FRMD5: variants seen among roughly 807,000 people sequenced by gnomAD.
The protein encoded by FRMD5 is FERM domain-containing protein 5.
A neutral mutation model predicts 69.0 loss-of-function variants in FRMD5; 20 were observed. The observed-to-expected ratio is 0.29, with a 90% CI of 0.20 to 0.42. FRMD5 has a LOEUF of 0.42. FRMD5 is among the 10% of genes least tolerant of loss of function. The probability of loss-of-function intolerance (pLI) is 1.00; values close to 1 mark genes in which losing one functional copy is unlikely to be tolerated. For synonymous variants in FRMD5, 271 were observed against 260.1 expected, an observed-to-expected ratio of 1.04 and a Z score of -0.40; for missense variants, 595 against 708.6, an observed-to-expected ratio of 0.84 and a Z score of 1.82.
At chr15:44,048,124 T>C (rs188562781) in intron 1 of FRMD5, among the ~76,000 whole-genome samples, 1 of 152,300 alleles carries the variant, frequency 6.6e-6, no homozygotes, top group East Asian at 1.9e-4. Context: ...GAGTTTAACT[T>C]ATTGAGGAAC....
chr15:43,985,555 T>C lies in FRMD5; in HGVS notation c.103-61246A>G, dbSNP rs961306270. ...ATAATATGGAGAACATTTAAATATA[T>C]AGATTCTGAGGCCCCACCCAGGACC... On this transcript the variant is annotated intron_variant, in intron 1 of 13. Transcript: ENST00000417257. Among the ~76,000 whole-genome samples, 11 of 152,274 alleles carry C rather than the reference T, an allele frequency of 7.2e-5. No individual in the cohort carries two copies. The South Asian group carries it at 1.7e-3, about 23-fold the overall frequency.
intron 1 of FRMD5, among the ~76,000 whole-genome samples, chr15:43,996,880 C>T (rs1191893594): frequency 6.6e-6 from 1 of 152,014 alleles, no homozygotes; most frequent in African/African-American, 2.4e-5. Context: ...TTCATTTTCA[C>T]ATTAAAGTTT....
chr15:44,107,320 A>G (rs2076734331), intron 1 of FRMD5, among the ~76,000 whole-genome samples: 1 of 152,224 alleles, frequency 6.6e-6, no homozygotes, highest in Non-Finnish European at 1.5e-5. Context: ...GAAAAATAAT[A>G]AAGAAGCTAA....
rs545462774 is a variant in FRMD5, at chr15:44,007,676, G to A, written c.103-83367C>T. Among the ~76,000 whole-genome samples, 475 of 56,012 alleles carry A rather than the reference G, an allele frequency of 8.5e-3. 2 individuals are homozygous for A. The highest frequency in any genetic ancestry group is 0.024 in the African/African-American group (402 of 16,986). 36.7% of individuals were successfully genotyped at this position (56,012 alleles called of 152,430 possible). The stretch of plus-strand genomic sequence containing the variant: ...TTTTTTTTTTTTGAGACAGAGTTTC[G>A]CTCTTGTTGCCCAGGCTGGAGTGCA... On this transcript the variant is annotated intron_variant, in intron 1 of 13. Coordinates refer to ENST00000417257, the MANE Select transcript of FRMD5 (RefSeq NM_032892.5).
intron 12 of FRMD5, among the ~76,000 whole-genome samples, chr15:43,884,491 T>G (rs1331082039): frequency 6.6e-6 from 1 of 152,210 alleles, no homozygotes; most frequent in Non-Finnish European, 1.5e-5. Context: ...AATTGCCAAG[T>G]GAAGTGGCAC....
intron 1 of FRMD5, among the ~76,000 whole-genome samples, chr15:44,161,845 T>C (rs946922530): frequency 5.3e-5 from 8 of 152,246 alleles, no homozygotes; most frequent in Admixed American, 3.3e-4. Flanking sequence ...TGAATTCAGC[T>C]GAGACTTTTA....
chr15:43,956,354 C>G (rs1029179569), intron 1 of FRMD5, among the ~76,000 whole-genome samples: 1 of 152,156 alleles, frequency 6.6e-6, no homozygotes, highest in African/African-American at 2.4e-5. Flanking sequence ...TAAATCAGCT[C>G]TCATACAAAC....
intron 1 of FRMD5, among the ~76,000 whole-genome samples, chr15:44,156,273 A>G (rs1457950616): frequency 6.6e-6 from 1 of 151,960 alleles, no homozygotes; most frequent in South Asian, 2.1e-4. Context: ...CCTCCCTAGT[A>G]GCTGGGACTA....
intron 7 of FRMD5, 68 bp downstream of exon 7, chr15:43,902,107 G>A (rs975202645): frequency 1.8e-5 from 20 of 1,141,146 alleles, no homozygotes; most frequent in Non-Finnish European, 2.1e-5. Flanking sequence ...GCGCAGGCAT[G>A]GGGGCTCTTG....
intron 1 of FRMD5, among the ~76,000 whole-genome samples, chr15:44,179,809 C>A (rs1054990141): frequency 1.3e-4 from 20 of 152,140 alleles, no homozygotes; most frequent in Admixed American, 2.6e-4. Context: ...TGACCAAGGT[C>A]TCAAAGATAA....
intron 1 of FRMD5, among the ~76,000 whole-genome samples, chr15:44,082,094 A>C (rs1174747394): frequency 6.6e-6 from 1 of 152,032 alleles, no homozygotes. Flanking sequence ...TTATTTTTAT[A>C]AATACCAAAA....
At chr15:44,168,621 T>A (rs1048977148) in intron 1 of FRMD5, among the ~76,000 whole-genome samples, 1 of 152,044 alleles carries the variant, frequency 6.6e-6, no homozygotes, top group Non-Finnish European at 1.5e-5. Flanking sequence ...AATAATAAAC[T>A]GTATCTTTAT....
chr15:43,960,038 C>T (rs1297178465), intron 1 of FRMD5, among the ~76,000 whole-genome samples: 1 of 152,178 alleles, frequency 6.6e-6, no homozygotes, highest in Non-Finnish European at 1.5e-5. Flanking sequence ...CTGCCTCAGC[C>T]TCCCAAGTAG....
At chr15:44,193,128 C>T (rs2078223920) in intron 1 of FRMD5, among the ~76,000 whole-genome samples, 1 of 152,136 alleles carries the variant, frequency 6.6e-6, no homozygotes, top group Non-Finnish European at 1.5e-5. Context: ...AACTATTTGC[C>T]TCACTGCAAT....
rs902851801 is a variant in FRMD5, at chr15:44,194,936, G to GGCGGC, written c.102+12_102+16dup. On this transcript the variant is annotated intron_variant, in intron 1 of 13. Coordinates refer to ENST00000417257, the MANE Select transcript of FRMD5 (RefSeq NM_032892.5). ...CAAGGGGGTCCCGCGGGCGGGGCGGGGCGGCGCGGCGCTGACCTGGATGGT... is the reference window on the plus strand; with the variant it reads ...CAAGGGGGTCCCGCGGGCGGGGCGGGGCGGCGCGGCGCGGCGCTGACCTGGATGGT... 1 of 1,513,872 alleles carries GGCGGC rather than the reference G, an allele frequency of 6.6e-7. No homozygotes were observed. The highest frequency in any genetic ancestry group is 8.8e-7 in the Non-Finnish European group (1 of 1,133,516). The allele number at this position is 1,513,872 out of a possible 1,614,324, so 93.8% of individuals were successfully genotyped here.
intron 1 of FRMD5, among the ~76,000 whole-genome samples, chr15:44,092,589 C>T (rs2076488426): frequency 6.6e-6 from 1 of 152,178 alleles, no homozygotes; most frequent in South Asian, 2.1e-4. Flanking sequence ...GTAATTTCCT[C>T]ACTGTGTTCA....
At chr15:43,877,303 G>C (rs1031659920) in intron 13 of FRMD5, among the ~76,000 whole-genome samples, 4 of 152,158 alleles carry the variant, frequency 2.6e-5, no homozygotes, top group Non-Finnish European at 5.9e-5. Context: ...GGAGTTTTTT[G>C]GTTCAGGGCT....
chr15:43,952,020 G>C (rs555176597), intron 1 of FRMD5, among the ~76,000 whole-genome samples: 75 of 149,272 alleles, frequency 5.0e-4, no homozygotes, highest in Non-Finnish European at 8.8e-4. Flanking sequence ...GTGTGTGTGT[G>C]TGTGTGTGTG....
intron 1 of FRMD5, among the ~76,000 whole-genome samples, chr15:44,150,447 AC>A (rs2077425775): frequency 6.6e-6 from 1 of 151,584 alleles, no homozygotes; most frequent in Non-Finnish European, 1.5e-5. Context: ...AAAACCTGCT[AC>A]AACTAATAAA....
Sources: gnomAD v4.1 joint callset for allele counts (sites outside exome capture counted in the v4.1 genomes callset) on GRCh38, gnomAD v4.1.1 for gene constraint, MANE v1.5 for transcripts, NCBI Gene and HGNC (gene_info 2026-07-23, HGNC 2026-07-21) for gene names.